Variants in PCSK5 observed in about 807,000 individuals in gnomAD.
The protein encoded by PCSK5 is prohormone convertase 5.
PCSK5 carries 129 observed loss-of-function variants against 233.2 expected under a neutral mutation model. The observed-to-expected ratio is 0.55, with a 90% confidence interval of 0.48 to 0.64. The LOEUF (loss-of-function observed/expected upper bound fraction) is 0.64, where lower values mean the gene tolerates loss of function less well. Ranked by LOEUF, PCSK5 falls within the 30% of genes least tolerant of loss-of-function variation. The pLI, the probability that PCSK5 is intolerant of heterozygous loss-of-function variation, is 0.00. For missense variants in PCSK5, 2,076 were observed against 2,430.1 expected (o/e 0.85, Z 3.06); for synonymous variants, 825 against 879.2 (o/e 0.94, Z 1.09).
At chr9:75,952,340 C>T (rs992450480) in intron 2 of PCSK5, among the ~76,000 whole-genome samples, 3 of 152,278 alleles carry the variant, frequency 2.0e-5, no homozygotes, top group Non-Finnish European at 2.9e-5. Flanking sequence ...GTCAACTCAT[C>T]GCACAAATTT....
At chr9:75,974,749 G>A (rs556260888) in intron 2 of PCSK5, among the ~76,000 whole-genome samples, 12 of 152,106 alleles carry the variant, frequency 7.9e-5, no homozygotes, top group African/African-American at 2.9e-4. Flanking sequence ...CCACATTGCG[G>A]GTCTTCATTC....
In PCSK5 at chr9:76,089,428, C is replaced by T. The variant is rs367827304; in HGVS notation, c.895-6462C>T. ...GCAGGGTCTCGACCTCTTGTCTCTACCACGTCCTAGTTATATGATACTGGG... is the reference window on the plus strand; with the variant it reads ...GCAGGGTCTCGACCTCTTGTCTCTATCACGTCCTAGTTATATGATACTGGG... On this transcript the variant is annotated intron_variant, in intron 7 of 37. Transcript: ENST00000674117. 2.0e-5 allele frequency among the ~76,000 whole-genome samples: 3 copies of T among 152,296 alleles called. No individual in the cohort carries two copies. In the South Asian group the frequency reaches 6.2e-4, roughly 32 times the overall value.
At chr9:76,013,063 AT>A (rs11320677) in intron 3 of PCSK5, among the ~76,000 whole-genome samples, 47,057 of 151,954 alleles carry the variant, frequency 0.31, 8,282 homozygotes, top group Middle Eastern at 0.43. Flanking sequence ...CATCCCCTTT[AT>A]TTTTAGATAT....
intron 5 of PCSK5, among the ~76,000 whole-genome samples, chr9:76,062,246 T>G (rs1830055137): frequency 6.6e-6 from 1 of 150,928 alleles, no homozygotes; most frequent in Admixed American, 6.6e-5. Flanking sequence ...AGAGCCCGTC[T>G]CCTAAAAAAA....
intron 1 of PCSK5, among the ~76,000 whole-genome samples, chr9:75,917,635 A>G (rs1823062925): frequency 1.3e-5 from 2 of 152,256 alleles, no homozygotes; most frequent in Admixed American, 1.3e-4. Context: ...AAGAGGAGAC[A>G]CTGATAATTT....
intron 20 of PCSK5, among the ~76,000 whole-genome samples, chr9:76,221,807 A>T (rs1329634399): frequency 6.6e-6 from 1 of 152,200 alleles, no homozygotes; most frequent in Non-Finnish European, 1.5e-5. Context: ...TTTTTGCAGG[A>T]GTGCCAACCC....
intron 10 of PCSK5, among the ~76,000 whole-genome samples, chr9:76,156,509 GTTC>G (rs1393275770): frequency 1.3e-5 from 2 of 152,166 alleles, no homozygotes; most frequent in Non-Finnish European, 2.9e-5. Context: ...TTGTATGTAA[GTTC>G]TTCTTGCACT....
intron 3 of PCSK5, among the ~76,000 whole-genome samples, chr9:76,019,372 C>A (rs1403542853): frequency 6.6e-6 from 1 of 151,736 alleles, no homozygotes; most frequent in Non-Finnish European, 1.5e-5. Flanking sequence ...CTCTGTAAAA[C>A]AGGTTTTTGG....
At chr9:76,269,088 C>G (rs1207182465) in intron 24 of PCSK5, among the ~76,000 whole-genome samples, 2 of 152,194 alleles carry the variant, frequency 1.3e-5, no homozygotes, top group African/African-American at 4.8e-5. Context: ...CAGGGCATCC[C>G]CATCTACAGG....
At chr9:76,235,590 G>C (rs1826227821) in intron 22 of PCSK5, among the ~76,000 whole-genome samples, 2 of 152,110 alleles carry the variant, frequency 1.3e-5, no homozygotes, top group Admixed American at 1.3e-4. Flanking sequence ...TGAGATAAAT[G>C]ATAGCATGAT....
At chr9:76,087,982 G>T (rs1242440894) in intron 7 of PCSK5, among the ~76,000 whole-genome samples, 3 of 152,196 alleles carry the variant, frequency 2.0e-5, no homozygotes, top group Non-Finnish European at 2.9e-5. Flanking sequence ...GAAAATAACT[G>T]CATTTGTATT....
At chr9:76,097,253 T>TTTTTTTTC (rs1831567460) in intron 8 of PCSK5, among the ~76,000 whole-genome samples, 1 of 119,834 alleles carries the variant, frequency 8.3e-6, no homozygotes, top group Non-Finnish European at 1.7e-5. Context: ...TTTCTTTTTT[T>TTTTTTTTC]TTTTTTTTTT....
At chr9:76,115,114 GA>G (rs1367768602) in intron 9 of PCSK5, among the ~76,000 whole-genome samples, 1 of 152,054 alleles carries the variant, frequency 6.6e-6, no homozygotes, top group Non-Finnish European at 1.5e-5. Flanking sequence ...ATCATCTATG[GA>G]AATAGATACC....
intron 20 of PCSK5, among the ~76,000 whole-genome samples, chr9:76,190,211 T>C (rs961209977): frequency 2.0e-5 from 3 of 152,294 alleles, no homozygotes; most frequent in African/African-American, 7.2e-5. Context: ...TGGTTATATA[T>C]TCTGTGGGTT....
At chr9:75,946,662 C>T (rs909713421) in intron 2 of PCSK5, among the ~76,000 whole-genome samples, 4 of 152,200 alleles carry the variant, frequency 2.6e-5, no homozygotes, top group Admixed American at 2.6e-4. Context: ...AATCTCCGCT[C>T]ACTTCAACCT....
intron 12 of PCSK5, among the ~76,000 whole-genome samples, chr9:76,160,566 G>A (rs1457020719): frequency 1.3e-5 from 2 of 152,186 alleles, no homozygotes; most frequent in Non-Finnish European, 2.9e-5. Flanking sequence ...GACCATGGCA[G>A]AGGTGATCTT....
chr9:76,037,998 G>C (rs1038446104), intron 5 of PCSK5, among the ~76,000 whole-genome samples: 2 of 152,140 alleles, frequency 1.3e-5, no homozygotes, highest in African/African-American at 4.8e-5. Context: ...TGTAATTTGC[G>C]TATGCTAGTA....
rs1176709986 is a variant in PCSK5, at chr9:76,174,983, A to T, written c.1757-3A>T. 2.5e-6 allele frequency: 4 copies of T among 1,595,840 alleles called. No individual in the cohort carries two copies. Among genetic ancestry groups the T allele is most frequent in the South Asian group, 1.1e-5 (1 of 88,518 alleles). ...TGCTGTGATTTCATTATTATTTCTC[A>T]AGGTAAATTGAAAGAATGGTCTTTG... On this transcript the variant is annotated splice_polypyrimidine_tract_variant and splice_region_variant and intron_variant, in intron 13 of 37. Transcript: ENST00000674117.
intron 20 of PCSK5, among the ~76,000 whole-genome samples, chr9:76,211,934 A>T (rs1410137522): frequency 6.6e-6 from 1 of 152,136 alleles, no homozygotes; most frequent in East Asian, 1.9e-4. Context: ...CGCCATGAGC[A>T]TTCACCCCCA....
Sources: gnomAD v4.1 joint callset for allele counts (sites outside exome capture counted in the v4.1 genomes callset) on GRCh38, gnomAD v4.1.1 for gene constraint, MANE v1.5 for transcripts, NCBI Gene and HGNC (gene_info 2026-07-23, HGNC 2026-07-21) for gene names.